Variants in ZNF106 observed in about 807,000 individuals in gnomAD.
The protein encoded by ZNF106 is zinc finger protein 106.
A neutral mutation model predicts 195.1 loss-of-function variants in ZNF106; 67 were observed. The observed-to-expected ratio is 0.34, with a 90% CI of 0.28 to 0.42. The LOEUF (loss-of-function observed/expected upper bound fraction) is 0.42, where lower values mean the gene tolerates loss of function less well. ZNF106 is among the 10% of genes least tolerant of loss of function. The pLI is 1.00. For missense variants in ZNF106, 2,118 were observed against 2,304.5 expected (o/e 0.92, Z 1.66); for synonymous variants, 784 against 818.6 (o/e 0.96, Z 0.72).
At chr15:42,486,577 C>T (rs540779977) in intron 1 of ZNF106, among the ~76,000 whole-genome samples, 1 of 152,204 alleles carries the variant, frequency 6.6e-6, no homozygotes, top group East Asian at 1.9e-4. Flanking sequence ...TTTACATCTA[C>T]GTATAGCTCA....
At position 42,439,325 on chromosome 15, in the gene ZNF106, T is replaced by G. The variant is rs762927635; in HGVS notation, c.4252A>C (p.Lys1418Gln). The change falls in exon 11 of 22, where the codon AAA (lysine) becomes CAA (glutamine). Residue 1418 changes from lysine to glutamine, a missense_variant. Transcript: ENST00000564754. ...TCTTCCCAAGTGGAGGTTGTTACTT[T>G]CCCCCCTTTAATTAACTTTCCAGCT... is the stretch of plus-strand genomic sequence containing the variant. ...VKAGKLIKGGKVTTSTWEDSR... is the reference protein window; with the variant it reads ...VKAGKLIKGGQVTTSTWEDSR... The G allele has an allele frequency of 6.2e-7, 1 of 1,614,028 alleles. No homozygotes were observed. Among genetic ancestry groups the G allele is most frequent in the Non-Finnish European group, 8.5e-7 (1 of 1,180,024 alleles).
chr15:42,424,154 C>G, intron 16 of ZNF106, 94 bp from the exon 17 acceptor site: 1 of 1,117,200 alleles, frequency 9.0e-7, no homozygotes, highest in African/African-American at 1.6e-5. Flanking sequence ...AATTTCCATC[C>G]TATTTTGAGA....
intron 14 of ZNF106, among the ~76,000 whole-genome samples, chr15:42,429,306 G>T (rs751912678): frequency 6.6e-6 from 1 of 151,482 alleles, no homozygotes; most frequent in Non-Finnish European, 1.5e-5. Flanking sequence ...GGGCATGGTG[G>T]TGCGTGCTTG....
At chr15:42,448,836 C>A (rs764775448) in intron 5 of ZNF106, 131 bp from the exon 6 acceptor site, 52 of 849,782 alleles carry the variant, frequency 6.1e-5, no homozygotes, top group Non-Finnish European at 8.7e-5. Flanking sequence ...CTTCAAGGGG[C>A]TCACAGTCTA....
chr15:42,423,472 G>T (rs910081756), intron 17 of ZNF106, among the ~76,000 whole-genome samples: 13 of 152,158 alleles, frequency 8.5e-5, no homozygotes, highest in African/African-American at 3.1e-4. Context: ...GAACTCCTGG[G>T]GCCAAATAAT....
chr15:42,426,989 T>G (rs1284638326), intron 15 of ZNF106, among the ~76,000 whole-genome samples: 2 of 152,176 alleles, frequency 1.3e-5, no homozygotes, highest in Non-Finnish European at 2.9e-5. Context: ...CCATGACATA[T>G]TTCAATGCAC....
chr15:42,432,562 T>C (rs1472166584), intron 14 of ZNF106, among the ~76,000 whole-genome samples: 1 of 152,150 alleles, frequency 6.6e-6, no homozygotes, highest in East Asian at 1.9e-4. Context: ...TCAACCTATT[T>C]TGTCTTTACA....
At chr15:42,485,309 A>G (rs544757075) in intron 1 of ZNF106, among the ~76,000 whole-genome samples, 1 of 152,316 alleles carries the variant, frequency 6.6e-6, no homozygotes, top group East Asian at 1.9e-4. Flanking sequence ...AAAACTTATA[A>G]GTAATACATA....
At chr15:42,456,377 G>A (rs566980395) in intron 4 of ZNF106, among the ~76,000 whole-genome samples, 13 of 152,106 alleles carry the variant, frequency 8.5e-5, no homozygotes, top group Non-Finnish European at 1.6e-4. Context: ...GGACAGGTAC[G>A]GTGGCTCACG....
chr15:42,428,050 C>T lies in ZNF106; in HGVS notation c.4966G>A (p.Ala1656Thr). The T allele has an allele frequency of 1.2e-6, 2 of 1,614,060 alleles. No individual in the cohort carries two copies. The highest frequency in any genetic ancestry group is 1.7e-6 in the Non-Finnish European group (2 of 1,179,942). Reference protein sequence around the residue: ...SRWRILYAGLANGTVVTFNIK... With the variant: ...SRWRILYAGLTNGTVVTFNIK... ...TTGAAGGTGACCACAGTGCCATTTGCCAGTCCCGCATAGAGGATTCGCCAT... is the reference window on the plus strand; with the variant it reads ...TTGAAGGTGACCACAGTGCCATTTGTCAGTCCCGCATAGAGGATTCGCCAT... Residue 1656 changes from alanine to threonine, a missense_variant, in exon 15 of 22, where the codon GCA becomes ACA. Physicochemically the swap from Ala to Thr is moderately conservative, Grantham distance 58. Coordinates refer to ENST00000564754, the MANE Select transcript of ZNF106 (RefSeq NM_001366845.3).
intron 21 of ZNF106, 146 bp downstream of exon 21, chr15:42,417,659 C>G: frequency 1.0e-6 from 1 of 974,854 alleles, no homozygotes; most frequent in Admixed American, 3.3e-5. Context: ...CTTCATTAAG[C>G]TACCCCCCAA....
At position 42,417,330 on chromosome 15, in the gene ZNF106, C is replaced by T; in HGVS notation, c.5695G>A (p.Glu1899Lys). 6.2e-7 allele frequency: 1 copy of T among 1,614,072 alleles called. No individual in the cohort carries two copies. The highest frequency in any genetic ancestry group is 8.5e-7 in the Non-Finnish European group (1 of 1,180,002). ...DAAGHIERHA[E>K]DDSKIDS ...CATGAATCAATTTTGCTGTCATCTT[C>T]AGCATGTCGTTCAATATGTCCTGCA... The change falls in exon 22 of 22, where the codon GAA becomes AAA. Residue 1899 changes from glutamate to lysine, a missense_variant. Glu to Lys is a moderately conservative substitution (Grantham distance 56, BLOSUM62 1). Transcript: ENST00000564754.
rs753496160 is a variant in ZNF106, at chr15:42,451,966, A to G, written c.318-12T>C. 1 of 1,594,282 alleles carries G rather than the reference A, an allele frequency of 6.3e-7. No homozygotes were observed. Among genetic ancestry groups the G allele is most frequent in the East Asian group, 2.2e-5 (1 of 44,602 alleles). ...AAGGTTCATCTTGTCTGGAAGAAAA[A>G]CAGTTTTTCATTAGCGATTTAAAGG... is the stretch of plus-strand genomic sequence containing the variant. On this transcript the variant is annotated splice_polypyrimidine_tract_variant and intron_variant, in intron 4 of 21. Transcript: ENST00000564754.
rs1211676736 is a variant in ZNF106, at chr15:42,433,307, G to A, written c.4881+2077C>T. Among the ~76,000 whole-genome samples, 9 of 151,820 alleles carry A rather than the reference G, an allele frequency of 5.9e-5. No homozygotes were observed. The East Asian group carries it at 1.4e-3, about 23-fold the overall frequency. ...TTTTTAGTAGAGACGGGGTTTCACC[G>A]TGTTAGCCAGGGTGGTCCCGATCTC... On this transcript the variant is annotated intron_variant, in intron 14 of 21. Transcript: ENST00000564754.
At chr15:42,482,794 G>T (rs2056932216) in intron 1 of ZNF106, among the ~76,000 whole-genome samples, 2 of 152,226 alleles carry the variant, frequency 1.3e-5, no homozygotes, top group African/African-American at 4.8e-5. Flanking sequence ...CTCCCAAAGT[G>T]CTAGGATTAC....
rs550672478 is a variant in ZNF106 at position 42,450,984 on chromosome 15, T to G, written c.1288A>C (p.Lys430Gln). ...TTAAGAGATCCAGTATGTATTTCTTTTTGTGTTTTCTGTGTTGGGGAATTA... is the reference window on the plus strand; with the variant it reads ...TTAAGAGATCCAGTATGTATTTCTTGTTGTGTTTTCTGTGTTGGGGAATTA... Reference protein sequence around the residue: ...TRNSPTQKTQKEIHTGSLNHK... With the variant: ...TRNSPTQKTQQEIHTGSLNHK... The change falls in exon 5 of 22, where the codon AAA (lysine) becomes CAA (glutamine). Residue 430 changes from lysine (K) to glutamine (Q), a missense_variant. Coordinates refer to ENST00000564754, the MANE Select transcript of ZNF106 (RefSeq NM_001366845.3). 2.0e-5 allele frequency: 33 copies of G among 1,614,218 alleles called. 1 individual carries two copies. The South Asian group carries it at 3.2e-4, about 16-fold the overall frequency.
At chr15:42,466,790 C>G (rs2056528157) in intron 2 of ZNF106, among the ~76,000 whole-genome samples, 2 of 152,110 alleles carry the variant, frequency 1.3e-5, no homozygotes, top group African/African-American at 4.8e-5. Flanking sequence ...AGTAGGTTCC[C>G]TTCTTCCCAT....
In ZNF106 at chr15:42,415,369, G is replaced by A. The variant is rs931288069; in HGVS notation, c.*1935C>T. On this transcript the variant is annotated 3_prime_UTR_variant, in exon 22 of 22. Transcript: ENST00000564754. Reference sequence around the variant, plus strand: ...ATGCCTGACCTTGAGTGATCCACCCGCCTCGGCCTCCCAAAGAGCTGGGAT... The same window carrying A: ...ATGCCTGACCTTGAGTGATCCACCCACCTCGGCCTCCCAAAGAGCTGGGAT... 6.0e-5 allele frequency: 27 copies of A among 448,796 alleles called. No homozygotes were observed. The highest frequency in any genetic ancestry group is 9.4e-5 in the Non-Finnish European group (21 of 223,572). The allele number at this position is 448,796 out of a possible 1,614,324, so 27.8% of individuals were successfully genotyped here.
intron 2 of ZNF106, among the ~76,000 whole-genome samples, chr15:42,468,672 G>T (rs528857013): frequency 6.6e-6 from 1 of 151,898 alleles, no homozygotes; most frequent in African/African-American, 2.4e-5. Context: ...GAACCCAGGA[G>T]GCGGAGGTTG....
Sources: gnomAD v4.1 joint callset for allele counts (sites outside exome capture counted in the v4.1 genomes callset) on GRCh38, gnomAD v4.1.1 for gene constraint, MANE v1.5 for transcripts, NCBI Gene and HGNC (gene_info 2026-07-23, HGNC 2026-07-21) for gene names.